SLC26A11: variants seen among roughly 807,000 people sequenced by gnomAD.
SLC26A11 encodes the protein solute carrier family 26 member 11.
In SLC26A11, 58 loss-of-function variants were observed where a neutral mutation model predicts 62.2. The observed-to-expected ratio is 0.93, with a 90% CI of 0.76 to 1.16. The LOEUF (loss-of-function observed/expected upper bound fraction) is 1.16, where lower values mean the gene tolerates loss of function less well. Ranked by LOEUF, SLC26A11 falls within the 50% of genes most tolerant of loss-of-function variation. The pLI is 0.00. For missense variants in SLC26A11, 790 were observed against 794.3 expected, an observed-to-expected ratio of 0.99 and a Z score of 0.06; for synonymous variants, 411 against 368.9, an observed-to-expected ratio of 1.11 and a Z score of -1.31.
Position 80,223,357 on chromosome 17 carries a change from A to G in SLC26A11, c.513+20A>G. On this transcript the variant is annotated intron_variant, in intron 5 of 17. Coordinates refer to ENST00000361193, the MANE Select transcript of SLC26A11 (RefSeq NM_001166347.2). The surrounding 1 kb of genome is among the most constrained non-coding windows in gnomAD (Gnocchi z 4.6). ...ATCAAGGTAGGCACGGCGCCCACCC[A>G]GGGCACTGCTCTTTGGCCACTGCTC... 1.2e-6 allele frequency: 2 copies of G among 1,612,166 alleles called. No individual in the cohort carries two copies. Among genetic ancestry groups the G allele is most frequent in the Non-Finnish European group, 1.7e-6 (2 of 1,178,770 alleles).
intron 7 of SLC26A11, among the ~76,000 whole-genome samples, chr17:80,229,517 C>T (rs766843528): frequency 7.4e-4 from 113 of 152,128 alleles, no homozygotes; most frequent in Admixed American, 2.6e-4. Context: ...CTGCAACCTG[C>T]CTCCTGGTTT....
At chr17:80,239,996 C>G (rs2042814037) in intron 9 of SLC26A11, among the ~76,000 whole-genome samples, 1 of 152,268 alleles carries the variant, frequency 6.6e-6, no homozygotes, top group African/African-American at 2.4e-5. Flanking sequence ...GTAGCTGCAG[C>G]AGTGACTGCA....
At chr17:80,233,584 A>ATTT (rs56289503) in intron 7 of SLC26A11, among the ~76,000 whole-genome samples, 55,768 of 142,092 alleles carry the variant, frequency 0.39, 11,504 homozygotes, top group East Asian at 0.6. Flanking sequence ...CTCTTTCAGC[A>ATTT]TTTTTTTTTT....
chr17:80,248,385 T>C (rs1598843919), intron 14 of SLC26A11, 128 bp downstream of exon 14: 2 of 1,380,082 alleles, frequency 1.4e-6, no homozygotes, highest in African/African-American at 1.4e-5. Flanking sequence ...CGCTGGCAGG[T>C]GGGCAGTCAC....
chr17:80,225,979 GC>G, intron 6 of SLC26A11, 63 bp downstream of exon 6: 1 of 1,471,484 alleles, frequency 6.8e-7, no homozygotes. Context: ...TCCTCTCCCG[GC>G]CCCCACCTCA....
chr17:80,236,906 CG>C, intron 7 of SLC26A11, 21 bp from the exon 8 acceptor site: 1 of 1,595,034 alleles, frequency 6.3e-7, no homozygotes, highest in Non-Finnish European at 8.6e-7. Context: ...GGGTCTCGGA[CG>C]CACCTCTCCT....
intron 10 of SLC26A11, among the ~76,000 whole-genome samples, chr17:80,244,362 G>A (rs1428294335): frequency 1.3e-5 from 2 of 152,230 alleles, no homozygotes; most frequent in African/African-American, 4.8e-5. Flanking sequence ...CTGTCATCTC[G>A]TGAGACGGAA....
Position 80,252,616 on chromosome 17 carries a change from T to G in SLC26A11, c.1730-9T>G, listed in dbSNP as rs754333579. On this transcript the variant is annotated splice_polypyrimidine_tract_variant and intron_variant, in intron 17 of 17. Coordinates refer to ENST00000361193, the MANE Select transcript of SLC26A11 (RefSeq NM_001166347.2). This position sits in a 1 kb window ranked among gnomAD's most constrained non-coding sequence, Gnocchi z 5.2. ...TTAGTGCTTGAAACATTTATTGTATTTTCTGCAGAGAAGCACCTGAGGCAG... is the reference window on the plus strand; with the variant it reads ...TTAGTGCTTGAAACATTTATTGTATGTTCTGCAGAGAAGCACCTGAGGCAG... The G allele has an allele frequency of 3.7e-6, 6 of 1,613,154 alleles. No homozygotes were observed. Among genetic ancestry groups the G allele is most frequent in the Middle Eastern group, 1.7e-4 (1 of 6,060 alleles).
chr17:80,238,282 G>A (rs2042754333), intron 9 of SLC26A11, among the ~76,000 whole-genome samples: 1 of 152,172 alleles, frequency 6.6e-6, no homozygotes, highest in Non-Finnish European at 1.5e-5. Context: ...GAGCCCGGGA[G>A]GTCGAGGTGG....
rs145439325 is a variant in SLC26A11 at position 80,229,710 on chromosome 17, G to T, written c.736+1750G>T. Among the ~76,000 whole-genome samples, 863 of 152,218 alleles carry T rather than the reference G, an allele frequency of 5.7e-3. 11 individuals are homozygous for T. Among genetic ancestry groups the T allele is most frequent in the African/African-American group, 0.02 (831 of 41,540 alleles). ...CTCCCAAAGTGCTGAGATTATAGGC[G>T]TGAGCCACTGCGCCTGGCCTATGCC... On this transcript the variant is annotated intron_variant, in intron 7 of 17. Coordinates refer to ENST00000361193, the MANE Select transcript of SLC26A11 (RefSeq NM_001166347.2).
At chr17:80,225,184 C>T (rs1046415121) in intron 5 of SLC26A11, among the ~76,000 whole-genome samples, 10 of 152,076 alleles carry the variant, frequency 6.6e-5, no homozygotes, top group African/African-American at 2.4e-5. Flanking sequence ...CCCAACCCCC[C>T]GCCGCTCTCT....
rs143511610 is a variant in SLC26A11, at chr17:80,223,262, G to A, written c.438G>A (p.Leu146=). The A allele has an allele frequency of 1.1e-3, 1,723 of 1,614,110 alleles. 16 individuals carry two copies. The African/African-American group carries it at 0.021, about 19-fold the overall frequency. ...AMGVLRLGFL[L]DFISYPVIKG... ...CTCTTGGCTGGCCAGGGTTCCTGCT[G>A]GACTTCATTTCCTACCCCGTCATTA... is the stretch of plus-strand genomic sequence containing the variant. Residue 146 remains leucine, a synonymous_variant, in exon 5 of 18, where the codon CTG becomes CTA. Transcript: ENST00000361193. The surrounding 1 kb of genome is among the most constrained non-coding windows in gnomAD (Gnocchi z 4.6).
intron 9 of SLC26A11, among the ~76,000 whole-genome samples, chr17:80,241,507 G>A (rs1430514981): frequency 6.6e-6 from 1 of 152,142 alleles, no homozygotes; most frequent in East Asian, 1.9e-4. Flanking sequence ...CGATCCTCCT[G>A]CCTTGGCCTC....
chr17:80,251,384 C>G lies in SLC26A11; in HGVS notation c.1712C>G (p.Ser571Cys). ...GACCTGAAGGGGTTCCAGTACTTCT[C>G]TACCCTGGAAGAAGCAGGTGGGCAC... ...SADLKGFQYFSTLEEAEKHLR... is the reference protein window; with the variant it reads ...SADLKGFQYFCTLEEAEKHLR... Residue 571 changes from serine to cysteine, a missense_variant, in exon 17 of 18, where the codon TCT becomes TGT. Ser to Cys is a moderately radical substitution (Grantham distance 112). Transcript: ENST00000361193. 2 of 1,614,120 alleles carry G rather than the reference C, an allele frequency of 1.2e-6. No individual in the cohort carries two copies. Among genetic ancestry groups the G allele is most frequent in the Non-Finnish European group, 1.7e-6 (2 of 1,179,998 alleles).
At chr17:80,238,199 A>C (rs1409299917) in intron 9 of SLC26A11, among the ~76,000 whole-genome samples, 1 of 152,168 alleles carries the variant, frequency 6.6e-6, no homozygotes, top group Non-Finnish European at 1.5e-5. Flanking sequence ...TTCTATTAAA[A>C]ATAAAAATTA....
chr17:80,223,322 C>G lies in SLC26A11; in HGVS notation c.498C>G (p.Gly166=). The G allele has an allele frequency of 6.2e-7, 1 of 1,614,158 alleles. No individual in the cohort carries two copies. Among genetic ancestry groups the G allele is most frequent in the South Asian group, 1.1e-5 (1 of 91,084 alleles). Residue 166 remains glycine (G), a synonymous_variant, in exon 5 of 18, where the codon GGC becomes GGG. Transcript: ENST00000361193. The surrounding 1 kb of genome is among the most constrained non-coding windows in gnomAD (Gnocchi z 4.6). ...CCTCTGCTGCTGCCGTCACCATCGGCTTTGGACAGATCAAGGTAGGCACGG... is the reference window on the plus strand; with the variant it reads ...CCTCTGCTGCTGCCGTCACCATCGGGTTTGGACAGATCAAGGTAGGCACGG... The part of the protein sequence containing the change: ...GFTSAAAVTI[G]FGQIKNLLGL...
rs2042712943 is a variant in SLC26A11, at chr17:80,237,024, A to AG, written c.837dup (p.Leu280AlafsTer54). ...TTCATCCTAACAGGGGAGACAGCTG[A>AG]GGGGCTCCCTCCAGTCCGGATCCCG... On this transcript the variant is annotated frameshift_variant, in exon 8 of 18. Coordinates refer to ENST00000361193, the MANE Select transcript of SLC26A11 (RefSeq NM_001166347.2). LOFTEE classifies it high-confidence loss of function. 1 of 1,613,860 alleles carries AG rather than the reference A, an allele frequency of 6.2e-7. No individual in the cohort carries two copies. Among genetic ancestry groups the AG allele is most frequent in the Admixed American group, 1.7e-5 (1 of 59,988 alleles).
rs2144926525 is a variant in SLC26A11 at position 80,236,829 on chromosome 17, C to T, written c.737-99C>T. On this transcript the variant is annotated intron_variant, in intron 7 of 17. Transcript: ENST00000361193. ...GGACTGTGGCCCGGTGGGGGCGTCT[C>T]CTGCCTCTGGGATGTCTGCCCCAGT... 1.9e-5 allele frequency: 25 copies of T among 1,338,770 alleles called. No homozygotes were observed. The South Asian group carries it at 3.2e-4, about 17-fold the overall frequency. The allele number at this position is 1,338,770 out of a possible 1,614,324, so 82.9% of individuals were successfully genotyped here.
In SLC26A11 at chr17:80,222,837, C is replaced by T; in HGVS notation, c.417C>T (p.Val139=). ...LSGCIQLAMG[V]LRLGFLLDFI... ...GCTGCATCCAGCTGGCCATGGGGGT[C>T]CTGCGTTTGGGTGAGGCTCTACCTT... The change falls in exon 4 of 18, where the codon GTC becomes GTT. Residue 139 remains valine, a synonymous_variant. Coordinates refer to ENST00000361193, the MANE Select transcript of SLC26A11 (RefSeq NM_001166347.2). The surrounding 1 kb of genome is among the most constrained non-coding windows in gnomAD (Gnocchi z 4.7). 1 of 1,613,942 alleles carries T rather than the reference C, an allele frequency of 6.2e-7. No individual in the cohort carries two copies. Among genetic ancestry groups the T allele is most frequent in the South Asian group, 1.1e-5 (1 of 91,068 alleles).
Sources: gnomAD v4.1 joint callset for allele counts (sites outside exome capture counted in the v4.1 genomes callset) on GRCh38, gnomAD v4.1.1 for gene constraint, Gnocchi (gnomAD v3.1) non-coding constraint, MANE v1.5 for transcripts, NCBI Gene and HGNC (gene_info 2026-07-23, HGNC 2026-07-21) for gene names.